EFHD1: variants seen among roughly 807,000 people sequenced by gnomAD.
The protein encoded by EFHD1 is EF-hand domain family member D1, also known as EF-hand domain-containing protein D1.
In EFHD1, 10 loss-of-function variants were observed where a neutral mutation model predicts 17.2. The ratio of observed to expected loss-of-function variants is 0.58; its 90% confidence interval spans 0.36 to 0.99. The LOEUF is 0.99. Among genes scored for constraint, EFHD1 ranks in the 50% least tolerant of loss-of-function variants. The pLI is 0.01. For synonymous variants in EFHD1, 153 were observed against 142.0 expected (o/e 1.08, Z -0.55); for missense variants, 310 against 327.5 (o/e 0.95, Z 0.41).
At chr2:232,655,539 C>T (rs1398162760) in intron 1 of EFHD1, among the ~76,000 whole-genome samples, 1 of 152,228 alleles carries the variant, frequency 6.6e-6, no homozygotes, top group African/African-American at 2.4e-5. Context: ...CACACTGAAC[C>T]TGTTAACTTT....
intron 2 of EFHD1, among the ~76,000 whole-genome samples, chr2:232,665,399 G>A (rs1694950910): frequency 6.6e-6 from 1 of 152,060 alleles, no homozygotes; most frequent in South Asian, 2.1e-4. Flanking sequence ...ACCTCTAGAT[G>A]TGTCATTTGG....
chr2:232,624,675 AT>A (rs1694076903), intron 1 of EFHD1, among the ~76,000 whole-genome samples: 1 of 152,280 alleles, frequency 6.6e-6, no homozygotes, highest in African/African-American at 2.4e-5. Context: ...GGTTTCCCAA[AT>A]GTAAACAAAG....
At chr2:232,614,057 T>TACACATGCACACACATATAC (rs144688838) in intron 1 of EFHD1, among the ~76,000 whole-genome samples, 74 of 149,892 alleles carry the variant, frequency 4.9e-4, no homozygotes, top group Non-Finnish European at 5.6e-4. Context: ...CACACATACA[T>TACACATGCACACACATATAC]ACACATGCAC....
At chr2:232,615,053 G>A (rs995427472) in intron 1 of EFHD1, among the ~76,000 whole-genome samples, 1 of 151,934 alleles carries the variant, frequency 6.6e-6, no homozygotes, top group Non-Finnish European at 1.5e-5. Flanking sequence ...GCTATGGCAG[G>A]ACTATGGCTC....
At chr2:232,614,057 T>TACACATGCACACACATACACATAC (rs144688838) in intron 1 of EFHD1, among the ~76,000 whole-genome samples, 1 of 149,892 alleles carries the variant, frequency 6.7e-6, no homozygotes, top group African/African-American at 2.5e-5. Flanking sequence ...CACACATACA[T>TACACATGCACACACATACACATAC]ACACATGCAC....
At chr2:232,671,936 A>G (rs994403602) in intron 2 of EFHD1, among the ~76,000 whole-genome samples, 5 of 151,582 alleles carry the variant, frequency 3.3e-5, no homozygotes, top group African/African-American at 1.2e-4. Context: ...ACACACCTGT[A>G]ATCCCAGCTA....
intron 1 of EFHD1, among the ~76,000 whole-genome samples, chr2:232,644,165 G>A (rs1410940990): frequency 6.6e-6 from 1 of 152,038 alleles, no homozygotes; most frequent in Non-Finnish European, 1.5e-5. Flanking sequence ...TGGTGGGCCC[G>A]CCCCCTGGGT....
chr2:232,658,219 C>A (rs1472046546), intron 1 of EFHD1, among the ~76,000 whole-genome samples: 1 of 152,100 alleles, frequency 6.6e-6, no homozygotes. Context: ...TTGCATTTTT[C>A]TTTGCTATAT....
upstream of EFHD1, among the ~76,000 whole-genome samples, chr2:232,630,427 G>A (rs1174735511): frequency 6.6e-6 from 1 of 152,180 alleles, no homozygotes; most frequent in Non-Finnish European, 1.5e-5. Context: ...GTGGGCCTGT[G>A]CTATTTTCCC....
At chr2:232,627,039 T>TCTCTCC (rs1465304586) in intron 1 of EFHD1, among the ~76,000 whole-genome samples, 1,669 of 79,136 alleles carry the variant, frequency 0.021, 17 homozygotes, top group Non-Finnish European at 0.032. Flanking sequence ...TCTCTCTCTA[T>TCTCTCC]ATATATATAT....
intron 2 of EFHD1, among the ~76,000 whole-genome samples, 191 bp from the exon 3 acceptor site, chr2:232,672,118 C>T (rs927434422): frequency 1.3e-5 from 2 of 152,022 alleles, no homozygotes; most frequent in African/African-American, 4.8e-5. Flanking sequence ...TGCCCATTTC[C>T]CTATAGCCTT....
intron 1 of EFHD1, among the ~76,000 whole-genome samples, chr2:232,645,517 G>T (rs1336248179): frequency 1.3e-5 from 2 of 152,190 alleles, no homozygotes; most frequent in Non-Finnish European, 1.5e-5. Flanking sequence ...TGCCCACGAG[G>T]ACCTAGTGAA....
At chr2:232,645,333 C>G (rs188100513) in intron 1 of EFHD1, among the ~76,000 whole-genome samples, 157 of 152,188 alleles carry the variant, frequency 1.0e-3, no homozygotes, top group African/African-American at 3.5e-3. Flanking sequence ...GCCACTCTGC[C>G]CCTTCTGGGT....
chr2:232,623,888 C>T (rs1694065445), intron 1 of EFHD1, among the ~76,000 whole-genome samples: 1 of 151,980 alleles, frequency 6.6e-6, no homozygotes, highest in African/African-American at 2.4e-5. Flanking sequence ...TGTGTGCAGG[C>T]CTGTGCAGAG....
chr2:232,664,874 A>G (rs1694942363), intron 2 of EFHD1, among the ~76,000 whole-genome samples: 1 of 151,786 alleles, frequency 6.6e-6, no homozygotes, highest in Non-Finnish European at 1.5e-5. Context: ...CGGCCTCCCA[A>G]AGTGCTGGGA....
At chr2:232,681,243 C>T in intron 3 of EFHD1, among the ~76,000 whole-genome samples, 1 of 151,840 alleles carries the variant, frequency 6.6e-6, no homozygotes, top group East Asian at 1.9e-4. Context: ...TAGAATTGAA[C>T]AATATTAGTG....
chr2:232,654,388 A>G (rs1232611952), intron 1 of EFHD1, among the ~76,000 whole-genome samples: 1 of 150,768 alleles, frequency 6.6e-6, no homozygotes, highest in East Asian at 1.9e-4. Context: ...CCCCAGAGGT[A>G]AAAGGATGAC....
intron 2 of EFHD1, among the ~76,000 whole-genome samples, chr2:232,664,803 C>T (rs375367806): frequency 1.8e-4 from 27 of 147,856 alleles, no homozygotes; most frequent in African/African-American, 6.0e-4. Context: ...TTAGTAGAGA[C>T]GGGGTTTCAC....
At chr2:232,637,503 C>T (rs1038028207) in intron 1 of EFHD1, among the ~76,000 whole-genome samples, 6 of 151,956 alleles carry the variant, frequency 3.9e-5, no homozygotes, top group African/African-American at 7.3e-5. Context: ...ACCACCATGC[C>T]CAGGTAATTT....
Sources: gnomAD v4.1 joint callset for allele counts (sites outside exome capture counted in the v4.1 genomes callset) on GRCh38, gnomAD v4.1.1 for gene constraint, MANE v1.5 for transcripts, NCBI Gene and HGNC (gene_info 2026-07-23, HGNC 2026-07-21) for gene names.